Variants in COL5A2 observed in about 807,000 individuals in gnomAD.
COL5A2 encodes the protein collagen type V alpha 2 chain.
Under a neutral mutation model 208.2 loss-of-function variants are expected in COL5A2, and 23 were observed. The ratio of observed to expected loss-of-function variants is 0.11; its 90% CI spans 0.08 to 0.16. The LOEUF is 0.16. Among genes scored for constraint, COL5A2 ranks in the 10% least tolerant of loss-of-function variants. COL5A2 has a pLI of 1.00. For missense variants in COL5A2, 1,590 were observed against 1,956.4 expected (o/e 0.81, Z 3.53); for synonymous variants, 625 against 628.5 (o/e 0.99, Z 0.08).
At chr2:189,156,035 T>C (rs977733437) in intron 1 of COL5A2, among the ~76,000 whole-genome samples, 1 of 152,212 alleles carries the variant, frequency 6.6e-6, no homozygotes, top group Non-Finnish European at 1.5e-5. Flanking sequence ...CCTCTTTCTT[T>C]TTTTAGAAGG....
chr2:189,045,168 A>G lies in COL5A2; in HGVS notation c.3363+11T>C. On this transcript the variant is annotated intron_variant, in intron 47 of 53. Coordinates refer to ENST00000374866, the MANE Select transcript of COL5A2 (RefSeq NM_000393.5). ...AAAACATTTTTTAAAAAACAAAAAA[A>G]GAGAACTTACAGGTAATCCACGTTT... 2 of 1,594,556 alleles carry G rather than the reference A, an allele frequency of 1.3e-6. No individual in the cohort carries two copies. Among genetic ancestry groups the G allele is most frequent in the South Asian group, 2.3e-5 (2 of 86,740 alleles).
At chr2:189,199,744 A>C (rs1689047990) in intron 1 of COL5A2, among the ~76,000 whole-genome samples, 1 of 152,234 alleles carries the variant, frequency 6.6e-6, no homozygotes, top group African/African-American at 2.4e-5. Flanking sequence ...TTTTGTAAAA[A>C]TACAGCGAAA....
the COL5A2 span, among the ~76,000 whole-genome samples, chr2:189,289,324 G>A: frequency 4.6e-5 from 7 of 151,482 alleles, no homozygotes; most frequent in East Asian, 5.8e-4. Context: ...CTGGGCACCC[G>A]ATCAAGACTC....
At chr2:189,285,071 GGTGT>G in the COL5A2 span, among the ~76,000 whole-genome samples, 4,511 of 139,746 alleles carry the variant, frequency 0.032, 84 homozygotes, top group Admixed American at 0.049. Flanking sequence ...GCATGCACAT[GGTGT>G]GTGTGTGTGT....
the COL5A2 span, among the ~76,000 whole-genome samples, chr2:189,337,550 G>C: frequency 6.6e-6 from 1 of 152,068 alleles, no homozygotes; most frequent in Non-Finnish European, 1.5e-5. Context: ...AGAATTGTGG[G>C]ATTAATCCAA....
the COL5A2 span, among the ~76,000 whole-genome samples, chr2:189,267,119 T>C: frequency 1.3e-5 from 2 of 152,180 alleles, no homozygotes; most frequent in African/African-American, 4.8e-5. Flanking sequence ...TTGATAGAGT[T>C]ATTTTCATAG....
the COL5A2 span, among the ~76,000 whole-genome samples, chr2:189,326,997 G>A: frequency 4.0e-5 from 6 of 151,042 alleles, no homozygotes; most frequent in Admixed American, 3.3e-4. Context: ...CTTGAACTCA[G>A]GAGGCAAAGG....
Position 189,034,087 on chromosome 2 carries a change from G to T in COL5A2, c.4483C>A (p.Pro1495Thr). The T allele has an allele frequency of 1.2e-6, 2 of 1,613,878 alleles. No individual in the cohort carries two copies. Among genetic ancestry groups the T allele is most frequent in the Non-Finnish European group, 1.7e-6 (2 of 1,179,890 alleles). ...TDQEFGVEIG[P>T]VCFV ...GGCTTACTTTACACAAAACAAACTG[G>T]CCCAATTTCAACGCCGAATTCCTGG... The change falls in exon 54 of 54, where the codon CCA (proline) becomes ACA (threonine). Residue 1495 changes from proline (P) to threonine (T), a missense_variant. Transcript: ENST00000374866.
the COL5A2 span, among the ~76,000 whole-genome samples, chr2:189,232,727 G>GTCC: frequency 6.6e-6 from 1 of 151,628 alleles, no homozygotes; most frequent in Non-Finnish European, 1.5e-5. Flanking sequence ...AATGGGATTA[G>GTCC]TCCCCCTACA....
upstream of COL5A2, among the ~76,000 whole-genome samples, chr2:189,227,541 G>A (rs981941919): frequency 2.6e-5 from 4 of 151,816 alleles, no homozygotes; most frequent in South Asian, 2.1e-4. Flanking sequence ...TGACGTAATC[G>A]GTAATCAAAA....
At chr2:189,305,161 C>G in the COL5A2 span, among the ~76,000 whole-genome samples, 1 of 152,178 alleles carries the variant, frequency 6.6e-6, no homozygotes, top group African/African-American at 2.4e-5. Context: ...AATTGCTATC[C>G]ACTTGGTATC....
the COL5A2 span, among the ~76,000 whole-genome samples, chr2:189,254,581 G>A: frequency 4.6e-5 from 7 of 152,158 alleles, no homozygotes; most frequent in African/African-American, 1.4e-4. Context: ...CAACCCCACA[G>A]TCACTTCTTC....
At chr2:189,187,741 C>T (rs1339197633) in intron 1 of COL5A2, among the ~76,000 whole-genome samples, 10 of 152,022 alleles carry the variant, frequency 6.6e-5, no homozygotes, top group African/African-American at 1.2e-4. Context: ...GAGGCCGAGG[C>T]GGGCAGATCA....
the COL5A2 span, among the ~76,000 whole-genome samples, chr2:189,306,058 A>G: frequency 6.6e-6 from 1 of 152,188 alleles, no homozygotes; most frequent in Non-Finnish European, 1.5e-5. Flanking sequence ...CTCAGAAGCA[A>G]TGTTCTCTGA....
chr2:189,434,480 A>T, the COL5A2 span, among the ~76,000 whole-genome samples: 1 of 152,198 alleles, frequency 6.6e-6, no homozygotes, highest in Non-Finnish European at 1.5e-5. Flanking sequence ...ACTTCAGCAA[A>T]GTCTCAGGAT....
Position 189,033,559 on chromosome 2 carries a change from ACAAG to A in COL5A2, c.*507_*510del. ...CAAGACATGCATGTAGGTCTCGATC[ACAAG>A]TTAAACATTTTAAACTCATTTTTAA... is the stretch of plus-strand genomic sequence containing the variant. On this transcript the variant is annotated 3_prime_UTR_variant, in exon 54 of 54. Transcript: ENST00000374866. The A allele has an allele frequency of 6.0e-6, 1 of 166,310 alleles. No homozygotes were observed. The allele number at this position is 166,310 out of a possible 1,614,324, so 10.3% of individuals were successfully genotyped here. A position where few individuals can be genotyped will look rare whatever the true frequency, so the allele number is the denominator to read the frequency against.
chr2:189,117,385 A>G (rs1200261875), intron 1 of COL5A2, among the ~76,000 whole-genome samples: 1 of 152,154 alleles, frequency 6.6e-6, no homozygotes, highest in Non-Finnish European at 1.5e-5. Flanking sequence ...CCTTAGTTCT[A>G]ATCTTAAATA....
At position 189,068,274 on chromosome 2, in the gene COL5A2, A is replaced by G. The variant is rs1438730587; in HGVS notation, c.1258-4T>C. 3 of 1,610,406 alleles carry G rather than the reference A, an allele frequency of 1.9e-6. No individual in the cohort carries two copies. Among genetic ancestry groups the G allele is most frequent in the Non-Finnish European group, 1.7e-6 (2 of 1,176,822 alleles). On this transcript the variant is annotated splice_polypyrimidine_tract_variant and splice_region_variant and intron_variant, in intron 19 of 53. Coordinates refer to ENST00000374866, the MANE Select transcript of COL5A2 (RefSeq NM_000393.5). ...TACCATCAGTTCCTATTGCACCCTAAAAGGTACATTAAAAGTATGTAATGA... is the reference window on the plus strand; with the variant it reads ...TACCATCAGTTCCTATTGCACCCTAGAAGGTACATTAAAAGTATGTAATGA...
chr2:189,090,780 AG>A (rs1686767673), intron 7 of COL5A2, among the ~76,000 whole-genome samples: 1 of 152,222 alleles, frequency 6.6e-6, no homozygotes. Context: ...CAGCCTTTAC[AG>A]CATTGTTTAC....
Sources: gnomAD v4.1 joint callset for allele counts (sites outside exome capture counted in the v4.1 genomes callset) on GRCh38, gnomAD v4.1.1 for gene constraint, MANE v1.5 for transcripts, NCBI Gene and HGNC (gene_info 2026-07-23, HGNC 2026-07-21) for gene names.